SLC35F3: variants seen among roughly 807,000 people sequenced by gnomAD.
SLC35F3 encodes the protein putative thiamine transporter SLC35F3.
SLC35F3 carries 25 observed loss-of-function variants against 49.9 expected under a neutral mutation model. The ratio of observed to expected loss-of-function variants is 0.50; its 90% confidence interval spans 0.37 to 0.70. SLC35F3 has a LOEUF of 0.70. Ranked by LOEUF, SLC35F3 falls within the 30% of genes least tolerant of loss-of-function variation. SLC35F3 has a pLI of 0.00. For missense variants in SLC35F3, 525 were observed against 639.8 expected (o/e 0.82, Z 1.94); for synonymous variants, 275 against 265.4 (o/e 1.04, Z -0.35).
intron 2 of SLC35F3, among the ~76,000 whole-genome samples, chr1:234,191,781 C>T (rs570686208): frequency 1.4e-3 from 220 of 152,074 alleles, no homozygotes; most frequent in South Asian, 9.8e-3. Flanking sequence ...TTACAACCAA[C>T]GCCACAGAAA....
Position 234,227,619 on chromosome 1 carries a change from C to T in SLC35F3, c.284-3798C>T, listed in dbSNP as rs1021224328. 2.0e-5 allele frequency among the ~76,000 whole-genome samples: 3 copies of T among 151,972 alleles called. 1 individual carries two copies. The highest frequency in any genetic ancestry group is 4.2e-4 in the South Asian group (2 of 4,804). On this transcript the variant is annotated intron_variant, in intron 2 of 7. Transcript: ENST00000366618. ...TTCACCATGTTAGCCAGGATGGTCT[C>T]GATCTCCTGACCTCGTGATCCGCCC...
At chr1:234,184,542 G>A (rs547542869) in intron 2 of SLC35F3, among the ~76,000 whole-genome samples, 5 of 152,110 alleles carry the variant, frequency 3.3e-5, no homozygotes, top group Admixed American at 6.5e-5. Context: ...TTTTGTCAGC[G>A]CCGTCCCATA....
intron 2 of SLC35F3, among the ~76,000 whole-genome samples, chr1:234,145,446 C>G (rs756128497): frequency 1.2e-4 from 19 of 152,054 alleles, no homozygotes; most frequent in Non-Finnish European, 2.4e-4. Context: ...AGTTAGGAAT[C>G]TTTTTTCTCC....
At chr1:234,082,912 A>G (rs1452905092) in intron 2 of SLC35F3, among the ~76,000 whole-genome samples, 1 of 152,178 alleles carries the variant, frequency 6.6e-6, no homozygotes, top group Non-Finnish European at 1.5e-5. Context: ...AGCTGCAATT[A>G]AAGATGAGAT....
rs534589652 is a variant in SLC35F3, at chr1:234,279,772, A to G, written c.609-29329A>G. On this transcript the variant is annotated intron_variant, in intron 3 of 7. Transcript: ENST00000366618. ...TGATTATGGCCAAAGCCTGCCTCACAGTGGAGAATAAAAACTAAAAATGCT... is the reference window on the plus strand; with the variant it reads ...TGATTATGGCCAAAGCCTGCCTCACGGTGGAGAATAAAAACTAAAAATGCT... Among the ~76,000 whole-genome samples, 157 of 152,352 alleles carry G rather than the reference A, an allele frequency of 1.0e-3. 1 individual carries two copies. The highest frequency in any genetic ancestry group is 3.4e-3 in the Middle Eastern group (1 of 294).
At chr1:234,146,798 G>C (rs1286804223) in intron 2 of SLC35F3, among the ~76,000 whole-genome samples, 1 of 152,152 alleles carries the variant, frequency 6.6e-6, no homozygotes, top group Admixed American at 6.5e-5. Context: ...ACAGGCATGA[G>C]CCACCGTGCC....
At chr1:234,101,492 T>C (rs1308429633) in intron 2 of SLC35F3, among the ~76,000 whole-genome samples, 1 of 152,224 alleles carries the variant, frequency 6.6e-6, no homozygotes, top group Non-Finnish European at 1.5e-5. Context: ...TACAAGTTAA[T>C]CTGGGAAGTT....
chr1:234,053,802 G>T (rs1461250504), intron 2 of SLC35F3, among the ~76,000 whole-genome samples: 1 of 152,126 alleles, frequency 6.6e-6, no homozygotes, highest in Non-Finnish European at 1.5e-5. Context: ...TCCATGTTTA[G>T]TGCTTCCTTC....
chr1:234,056,860 A>G (rs1664463419), intron 2 of SLC35F3, among the ~76,000 whole-genome samples: 1 of 152,200 alleles, frequency 6.6e-6, no homozygotes, highest in South Asian at 2.1e-4. Context: ...GAAAGGGTCT[A>G]ACTCATCCTT....
At chr1:234,092,744 T>TATAG (rs923273418) in intron 2 of SLC35F3, among the ~76,000 whole-genome samples, 2 of 152,142 alleles carry the variant, frequency 1.3e-5, no homozygotes, top group Non-Finnish European at 2.9e-5. Flanking sequence ...GGTGCATGCC[T>TATAG]ATAGTCCCAG....
intron 3 of SLC35F3, among the ~76,000 whole-genome samples, chr1:234,287,913 G>A (rs539721198): frequency 5.6e-4 from 85 of 152,304 alleles, no homozygotes; most frequent in African/African-American, 1.8e-3. Context: ...GAGAGGTAGA[G>A]TCTTGCTTTG....
rs191580189 is a variant in SLC35F3, at chr1:234,053,222, A to C, written c.283+147464A>C. 4.9e-3 allele frequency among the ~76,000 whole-genome samples: 751 copies of C among 152,206 alleles called. 7 individuals carry two copies. Among genetic ancestry groups the C allele is most frequent in the African/African-American group, 0.017 (702 of 41,520 alleles). On this transcript the variant is annotated intron_variant, in intron 2 of 7. Transcript: ENST00000366618. ...AACTTTCTGTCTCGTTGATCTGTCT[A>C]ATGTTGACAGTGGGGTGTTAAAGTC... is the stretch of plus-strand genomic sequence containing the variant.
chr1:233,963,308 T>C (rs1662836689), intron 2 of SLC35F3, among the ~76,000 whole-genome samples: 1 of 151,448 alleles, frequency 6.6e-6, no homozygotes, highest in African/African-American at 2.4e-5. Context: ...CTTTTTTTTT[T>C]TTCTTTTTTT....
At chr1:234,124,727 G>A (rs943217978) in intron 2 of SLC35F3, among the ~76,000 whole-genome samples, 8 of 152,106 alleles carry the variant, frequency 5.3e-5, no homozygotes, top group Non-Finnish European at 1.0e-4. Context: ...AATTATCCGA[G>A]CATGGTACTG....
intron 2 of SLC35F3, among the ~76,000 whole-genome samples, chr1:234,098,589 T>C (rs1323412820): frequency 6.7e-6 from 1 of 149,660 alleles, no homozygotes; most frequent in African/African-American, 2.5e-5. Context: ...ATGGCGGTGG[T>C]AGTGACAGTG....
chr1:234,262,821 C>T (rs767978839), intron 3 of SLC35F3, among the ~76,000 whole-genome samples: 19 of 152,174 alleles, frequency 1.2e-4, no homozygotes, highest in East Asian at 3.8e-4. Context: ...CCCCAAGGTG[C>T]GGGTTATTGG....
At chr1:234,225,992 A>T (rs1033641388) in intron 2 of SLC35F3, among the ~76,000 whole-genome samples, 1 of 152,228 alleles carries the variant, frequency 6.6e-6, no homozygotes, top group Admixed American at 6.5e-5. Flanking sequence ...CAGAAAACAC[A>T]TTCATGGTTG....
In SLC35F3 at chr1:233,967,457, A is replaced by G. The variant is rs932267733; in HGVS notation, c.283+61699A>G. On this transcript the variant is annotated intron_variant, in intron 2 of 7. Transcript: ENST00000366618. ...TATAAACAATTGAGGATCTCATAGTACCTGTTCTTCAGTATTTTATATAAG... is the reference window on the plus strand; with the variant it reads ...TATAAACAATTGAGGATCTCATAGTGCCTGTTCTTCAGTATTTTATATAAG... Among the ~76,000 whole-genome samples, 6 of 152,350 alleles carry G rather than the reference A, an allele frequency of 3.9e-5. No homozygotes were observed. The South Asian group carries it at 6.2e-4, about 16-fold the overall frequency.
At chr1:234,095,491 T>C (rs1446573041) in intron 2 of SLC35F3, among the ~76,000 whole-genome samples, 1 of 152,234 alleles carries the variant, frequency 6.6e-6, no homozygotes, top group East Asian at 1.9e-4. Flanking sequence ...AGAGAAGTGA[T>C]GTGACTGGAG....
Sources: allele counts gnomAD v4.1 joint callset (sites outside exome capture counted in the v4.1 genomes callset), GRCh38; gene constraint gnomAD v4.1.1; transcripts MANE v1.5; gene names NCBI Gene and HGNC (gene_info 2026-07-23, HGNC 2026-07-21).